Variants in BSN observed in about 807,000 individuals in gnomAD.
BSN encodes the protein bassoon presynaptic cytomatrix protein.
Under a neutral mutation model 264.8 loss-of-function variants are expected in BSN, and 57 were observed. That is an observed-to-expected ratio of 0.22 (90% CI 0.17 to 0.27). The LOEUF is 0.27. Among genes scored for constraint, BSN ranks in the 10% least tolerant of loss-of-function variants. BSN has a pLI of 1.00. For synonymous variants in BSN, 2,059 were observed against 2,137.3 expected, an observed-to-expected ratio of 0.96 and a Z score of 1.01; for missense variants, 4,615 against 5,232.5, an observed-to-expected ratio of 0.88 and a Z score of 3.64.
chr3:49,610,865 G>A (rs1024299136), intron 1 of BSN, among the ~76,000 whole-genome samples: 5 of 152,194 alleles, frequency 3.3e-5, no homozygotes, highest in Admixed American at 6.5e-5. Context: ...GCAAATTCAT[G>A]CATGCATTTA....
chr3:49,586,692 C>T (rs1453852294), intron 1 of BSN, among the ~76,000 whole-genome samples: 1 of 152,204 alleles, frequency 6.6e-6, no homozygotes, highest in East Asian at 1.9e-4. Flanking sequence ...GTGTTCTTGG[C>T]ACCTTTGTCA....
In BSN at chr3:49,644,593, C is replaced by T. The variant is rs956078505; in HGVS notation, c.1518+1441C>T. ...CTGGCGACAGTTTGCCTCACTGGCTCGGGGAAAGGGGTGCACCAGGGTGTC... is the reference window on the plus strand; with the variant it reads ...CTGGCGACAGTTTGCCTCACTGGCTTGGGGAAAGGGGTGCACCAGGGTGTC... On this transcript the variant is annotated intron_variant, in intron 3 of 11. Coordinates refer to ENST00000296452, the MANE Select transcript of BSN (RefSeq NM_003458.4). Among the ~76,000 whole-genome samples, 12 of 152,254 alleles carry T rather than the reference C, an allele frequency of 7.9e-5. No homozygotes were observed. In the South Asian group the frequency reaches 1.0e-3, roughly 13 times the overall value.
At chr3:49,598,064 T>G (rs1022435394) in intron 1 of BSN, among the ~76,000 whole-genome samples, 3 of 152,358 alleles carry the variant, frequency 2.0e-5, no homozygotes, top group Non-Finnish European at 4.4e-5. Context: ...GATGTGATTT[T>G]CTTTGGTTCT....
At position 49,660,712 on chromosome 3, in the gene BSN, C is replaced by T; in HGVS notation, c.8867C>T (p.Thr2956Ile). 6.2e-7 allele frequency: 1 copy of T among 1,613,098 alleles called. No homozygotes were observed. The highest frequency in any genetic ancestry group is 8.5e-7 in the Non-Finnish European group (1 of 1,179,922). The change falls in exon 6 of 12, where the codon ACC becomes ATC. Residue 2956 changes from threonine to isoleucine, a missense_variant. By Grantham distance (89) the Thr-to-Ile change is moderately conservative (BLOSUM62 -1). This residue lies in a region of BSN where 3,415 missense variants were observed against 3,866.4 expected (regional missense o/e 0.88). Transcript: ENST00000296452. This position sits in a 1 kb window ranked among gnomAD's most constrained non-coding sequence, Gnocchi z 7.1. ...RDLRLVEHES[T>I]KLRKKQAELD... ...CTGCGGCTGGTGGAGCATGAGTCCA[C>T]CAAACTGCGCAAGAAGCAGGCAGAG...
chr3:49,631,392 CA>C (rs930768071), intron 2 of BSN, among the ~76,000 whole-genome samples: 2 of 151,074 alleles, frequency 1.3e-5, no homozygotes, highest in Non-Finnish European at 3.0e-5. Context: ...CCCATCTCTA[CA>C]AAAAAAATAC....
rs892153657 is a variant in BSN, at chr3:49,585,068, C to T, written c.224+30242C>T. 9.9e-5 allele frequency among the ~76,000 whole-genome samples: 15 copies of T among 152,168 alleles called. No individual in the cohort carries two copies. Among genetic ancestry groups the T allele is most frequent in the Admixed American group, 5.9e-4 (9 of 15,268 alleles). ...TTAGACACCTAGGTTGCTTCGAAAT[C>T]TTAGCTATTATAAACAGTGCTGCGA... On this transcript the variant is annotated intron_variant, in intron 1 of 11. Coordinates refer to ENST00000296452, the MANE Select transcript of BSN (RefSeq NM_003458.4). The surrounding 1 kb of genome is among the most constrained non-coding windows in gnomAD (Gnocchi z 4.7).
rs138562532 is a variant in BSN, at chr3:49,582,433, C to CT, written c.224+27608dup. Among the ~76,000 whole-genome samples, 17 of 152,316 alleles carry CT rather than the reference C, an allele frequency of 1.1e-4. No individual in the cohort carries two copies. The East Asian group carries it at 2.3e-3, about 21-fold the overall frequency. ...CAAGCAACCCTCTTGCTTCAGCCTACTGAGGAACTGGAACTACAGGCCCAG... is the reference window on the plus strand; with the variant it reads ...CAAGCAACCCTCTTGCTTCAGCCTACTTGAGGAACTGGAACTACAGGCCCAG... On this transcript the variant is annotated intron_variant, in intron 1 of 11. Transcript: ENST00000296452.
intron 1 of BSN, among the ~76,000 whole-genome samples, chr3:49,610,665 T>C (rs969626495): frequency 6.6e-6 from 1 of 151,142 alleles, no homozygotes; most frequent in African/African-American, 2.4e-5. Context: ...AGATATTAGC[T>C]TGGTGTTTCT....
intron 9 of BSN, 122 bp downstream of exon 9, chr3:49,664,676 C>T (rs1372010424): frequency 1.3e-6 from 2 of 1,542,208 alleles, no homozygotes; most frequent in South Asian, 1.2e-5. Context: ...CTGCTGATGC[C>T]CAGTTGTTCT....
chr3:49,657,063 C>G lies in BSN; in HGVS notation c.7507C>G (p.Pro2503Ala), dbSNP rs755678179. Residue 2503 changes from proline (P) to alanine (A), a missense_variant, in exon 5 of 12, where the codon CCC becomes GCC. Physicochemically the swap from Pro to Ala is conservative, Grantham distance 27 (BLOSUM62 -1). Transcript: ENST00000296452. ...AELAQNGQYW[P>A]PLTHAAFIAM... is the part of the protein sequence containing the mutation. Reference sequence around the variant, plus strand: ...GTTGGCCCAGAATGGCCAGTATTGGCCCCCCCTTACACATGCAGCCTTCAT... The same window carrying G: ...GTTGGCCCAGAATGGCCAGTATTGGGCCCCCCTTACACATGCAGCCTTCAT... 1.8e-5 allele frequency: 29 copies of G among 1,608,656 alleles called. No individual in the cohort carries two copies. The Admixed American group carries it at 4.8e-4, about 27-fold the overall frequency.
chr3:49,590,600 TTAATGC>T (rs2051970781), intron 1 of BSN, among the ~76,000 whole-genome samples: 1 of 152,120 alleles, frequency 6.6e-6, no homozygotes, highest in Non-Finnish European at 1.5e-5. Flanking sequence ...CTACTTCAAA[TTAATGC>T]TAACTTAATT....
At chr3:49,613,303 C>CGAGAGA (rs752108805) in intron 1 of BSN, among the ~76,000 whole-genome samples, 3,343 of 47,326 alleles carry the variant, frequency 0.071, 607 homozygotes, top group South Asian at 0.16. Context: ...ACACACAGAG[C>CGAGAGA]GAGAGAGAGA....
At chr3:49,624,886 G>C (rs1296462547) in intron 1 of BSN, 89 bp from the exon 2 acceptor site, 1 of 1,284,334 alleles carries the variant, frequency 7.8e-7, no homozygotes, top group Admixed American at 2.7e-5. Flanking sequence ...TGGTGATGGG[G>C]CTTGGCAGGG....
chr3:49,659,967 G>A (rs1559618322), intron 5 of BSN, among the ~76,000 whole-genome samples: 1 of 152,084 alleles, frequency 6.6e-6, no homozygotes. Flanking sequence ...CTCAGAGCCT[G>A]CCACGATTGG....
At chr3:49,593,594 T>C (rs2051996662) in intron 1 of BSN, among the ~76,000 whole-genome samples, 1 of 152,204 alleles carries the variant, frequency 6.6e-6, no homozygotes, top group Non-Finnish European at 1.5e-5. Flanking sequence ...ATTATAGGTC[T>C]GTAGTGAATC....
rs751487279 is a variant in BSN, at chr3:49,661,804, A to G, written c.9959A>G (p.Tyr3320Cys). Reference protein sequence around the residue: ...SNGRPASTHYYGDSDYRHGAR... With the variant: ...SNGRPASTHYCGDSDYRHGAR... ...GGTCGACCAGCCAGTACCCACTACT[A>G]TGGTGACAGTGACTACAGGCATGGG... The change falls in exon 6 of 12, where the codon TAT becomes TGT. Residue 3320 changes from tyrosine (Y) to cysteine (C), a missense_variant. Transcript: ENST00000296452. The G allele has an allele frequency of 1.2e-6, 2 of 1,613,602 alleles. No individual in the cohort carries two copies. Among genetic ancestry groups the G allele is most frequent in the East Asian group, 4.5e-5 (2 of 44,882 alleles).
At chr3:49,580,376 T>C (rs2051886713) in intron 1 of BSN, among the ~76,000 whole-genome samples, 1 of 152,238 alleles carries the variant, frequency 6.6e-6, no homozygotes, top group Non-Finnish European at 1.5e-5. Flanking sequence ...TATTGAGATA[T>C]AATTAATATG....
At position 49,657,386 on chromosome 3, in the gene BSN, C is replaced by T; in HGVS notation, c.7830C>T (p.Cys2610=). Residue 2610 remains cysteine, a synonymous_variant, in exon 5 of 12, where the codon TGC becomes TGT. Transcript: ENST00000296452. ...GCCGGGCACGGCGGAGTGCTGACTG[C>T]AGTGTGCAGACGGACGACGAAGACA... is the stretch of plus-strand genomic sequence containing the variant. ...RRRRARRSAD[C]SVQTDDEDSA... 6.2e-7 allele frequency: 1 copy of T among 1,613,238 alleles called. No homozygotes were observed.
intron 1 of BSN, among the ~76,000 whole-genome samples, chr3:49,608,811 G>C (rs1302048013): frequency 6.7e-6 from 1 of 150,192 alleles, no homozygotes; most frequent in Non-Finnish European, 1.5e-5. Context: ...CTGGGTGATA[G>C]AGCAAGACTC....
Sources: allele counts gnomAD v4.1 joint callset (sites outside exome capture counted in the v4.1 genomes callset), GRCh38; gene constraint gnomAD v4.1.1; regional missense constraint gnomAD v4.1.1; non-coding constraint Gnocchi (gnomAD v3.1); transcripts MANE v1.5; gene names NCBI Gene and HGNC (gene_info 2026-07-23, HGNC 2026-07-21).